TEX9: variants seen among roughly 807,000 people sequenced by gnomAD.
TEX9 encodes testis expressed 9, also known as testis-expressed protein 9.
TEX9 carries 74 observed loss-of-function variants against 59.6 expected under a neutral mutation model. The ratio of observed to expected loss-of-function variants is 1.24; its 90% CI spans 1.03 to 1.51. TEX9 has a LOEUF of 1.51. Among genes scored for constraint, TEX9 ranks in the 40% most tolerant of loss-of-function variants. The pLI, the probability that TEX9 is intolerant of heterozygous loss-of-function variation, is 0.00. For synonymous variants in TEX9, 186 were observed against 152.2 expected, an observed-to-expected ratio of 1.22 and a Z score of -1.64; for missense variants, 522 against 447.8, an observed-to-expected ratio of 1.17 and a Z score of -1.49.
chr15:56,436,296 A>G (rs1344634028), intron 12 of TEX9, among the ~76,000 whole-genome samples: 6 of 152,226 alleles, frequency 3.9e-5, no homozygotes, highest in African/African-American at 1.4e-4. Flanking sequence ...CTCAGGATTA[A>G]GAAACTCACT....
chr15:56,391,861 A>C (rs191519682), intron 7 of TEX9, among the ~76,000 whole-genome samples: 1 of 152,272 alleles, frequency 6.6e-6, no homozygotes, highest in Non-Finnish European at 1.5e-5. Flanking sequence ...CAAAAGGACA[A>C]ATGAATTGAC....
chr15:56,415,221 C>T (rs1348058237), intron 10 of TEX9, among the ~76,000 whole-genome samples: 1 of 151,818 alleles, frequency 6.6e-6, no homozygotes, highest in Non-Finnish European at 1.5e-5. Flanking sequence ...TTTTTCTGTG[C>T]AGAAGCTCTT....
At position 56,258,996 on chromosome 15, in the gene TEX9, A is replaced by G. The variant is rs902276771; in HGVS notation, c.-107+14718A>G. 4.6e-5 allele frequency among the ~76,000 whole-genome samples: 7 copies of G among 151,736 alleles called. No individual in the cohort carries two copies. In the East Asian group the frequency reaches 7.7e-4, roughly 17 times the overall value. ...TATAGCAAATATCTTCTACTAAACT[A>G]TGTCTTGCTGTTTCATCCTCTTAAT... On this transcript the variant is annotated intron_variant, in intron 1 of 5. Coordinates refer to the TEX9 transcript ENST00000560827.
chr15:56,363,670 T>A (rs1352587959), upstream of TEX9, among the ~76,000 whole-genome samples: 1 of 151,768 alleles, frequency 6.6e-6, no homozygotes, highest in Admixed American at 6.6e-5. Flanking sequence ...TAAATTGTTT[T>A]TCTTTTTTTT....
At chr15:56,431,078 C>T (rs945979530) in intron 12 of TEX9, among the ~76,000 whole-genome samples, 5 of 152,082 alleles carry the variant, frequency 3.3e-5, no homozygotes, top group South Asian at 2.1e-4. Context: ...GGAGAATCAC[C>T]GGGAGGCAGA....
the TEX9 span, chr15:56,456,594 A>G: frequency 1.4e-5 from 21 of 1,518,594 alleles, no homozygotes; most frequent in Non-Finnish European, 1.9e-5. Flanking sequence ...AATTTGTTTT[A>G]TAACAGAAAA....
chr15:56,311,250 G>A (rs1266143882), intron 1 of TEX9, among the ~76,000 whole-genome samples: 13 of 133,612 alleles, frequency 9.7e-5, no homozygotes, highest in East Asian at 2.2e-4. Flanking sequence ...CCACTAACTC[G>A]TCATCTAGCA....
chr15:56,292,887 A>G (rs1357270732), intron 1 of TEX9, among the ~76,000 whole-genome samples: 1 of 152,128 alleles, frequency 6.6e-6, no homozygotes, highest in Non-Finnish European at 1.5e-5. Context: ...GCTAGATCTC[A>G]ACTTTTCACA....
intron 1 of TEX9, among the ~76,000 whole-genome samples, chr15:56,302,312 A>G (rs2141572863): frequency 7.2e-6 from 1 of 138,234 alleles, no homozygotes; most frequent in Non-Finnish European, 1.5e-5. Flanking sequence ...ACAGAGCAAG[A>G]CACTGTTTAC....
intron 1 of TEX9, among the ~76,000 whole-genome samples, chr15:56,282,880 G>T (rs1429687270): frequency 6.6e-6 from 1 of 152,052 alleles, no homozygotes; most frequent in Admixed American, 6.6e-5. Context: ...GGATATTTTG[G>T]AACTGCACTA....
intron 1 of TEX9, among the ~76,000 whole-genome samples, chr15:56,321,460 A>T (rs1197555010): frequency 6.6e-6 from 1 of 152,238 alleles, no homozygotes; most frequent in Non-Finnish European, 1.5e-5. Context: ...AACAACAGTT[A>T]TTCAGTGCTT....
chr15:56,304,049 G>A (rs1021907071), intron 1 of TEX9, among the ~76,000 whole-genome samples: 18 of 152,158 alleles, frequency 1.2e-4, no homozygotes, highest in Non-Finnish European at 2.1e-4. Context: ...TGGCTTTAGT[G>A]TTGAATTCTA....
intron 1 of TEX9, among the ~76,000 whole-genome samples, chr15:56,299,019 T>G (rs921206182): frequency 1.2e-4 from 19 of 152,198 alleles, no homozygotes; most frequent in African/African-American, 4.6e-4. Context: ...GAATGCCATA[T>G]TGAGCAACCA....
intron 1 of TEX9, among the ~76,000 whole-genome samples, chr15:56,315,135 AT>A (rs1399222369): frequency 6.8e-6 from 1 of 147,974 alleles, no homozygotes; most frequent in Non-Finnish European, 1.5e-5. Flanking sequence ...TAATTGGAGA[AT>A]TTAGTCCATT....
chr15:56,334,755 T>C (rs1168757016), intron 1 of TEX9, among the ~76,000 whole-genome samples: 1 of 152,134 alleles, frequency 6.6e-6, no homozygotes, highest in Non-Finnish European at 1.5e-5. Context: ...ACTATCCATC[T>C]GACAAGCGAT....
chr15:56,291,056 A>G (rs1331931812), intron 1 of TEX9, among the ~76,000 whole-genome samples: 2 of 152,222 alleles, frequency 1.3e-5, no homozygotes, highest in Non-Finnish European at 2.9e-5. Context: ...ACATGTGGTG[A>G]ATGTAAACCA....
chr15:56,333,121 A>C lies in TEX9; in HGVS notation c.-106-40320A>C, dbSNP rs77171948. Among the ~76,000 whole-genome samples, 1,289 of 152,296 alleles carry C rather than the reference A, an allele frequency of 8.5e-3. 20 individuals are homozygous for C. The highest frequency in any genetic ancestry group is 0.029 in the African/African-American group (1,212 of 41,556). The stretch of plus-strand genomic sequence containing the variant: ...GAAGAAGTAATAACAATCATACTCC[A>C]ACTATTCTGAAAAATAGAGGAGAGA... On this transcript the variant is annotated intron_variant, in intron 1 of 5. Transcript: ENST00000560827.
chr15:56,303,873 A>G (rs1259651993), intron 1 of TEX9, among the ~76,000 whole-genome samples: 4 of 152,258 alleles, frequency 2.6e-5, no homozygotes, highest in Non-Finnish European at 5.9e-5. Context: ...GAGCAAGTAT[A>G]TGCCAATAAA....
chr15:56,345,075 A>ATG lies in TEX9; in HGVS notation c.-106-28364_-106-28363dup, dbSNP rs200736297. Among the ~76,000 whole-genome samples the ATG allele has an allele frequency of 5.6e-3, 639 of 114,716 alleles. 14 individuals carry two copies. In the East Asian group the frequency reaches 0.064, roughly 11 times the overall value. 75.3% of individuals were successfully genotyped at this position (114,716 alleles called of 152,430 possible). A position where few individuals can be genotyped will look rare whatever the true frequency, so the allele number is the denominator to read the frequency against. ...TATATATACACACACACATATATAT[A>ATG]TGTATATATATATATGTATATATAA... On this transcript the variant is annotated intron_variant, in intron 1 of 5. Transcript: ENST00000560827.
Sources: gnomAD v4.1 joint callset for allele counts (sites outside exome capture counted in the v4.1 genomes callset) on GRCh38, gnomAD v4.1.1 for gene constraint, MANE v1.5 for transcripts, NCBI Gene and HGNC (gene_info 2026-07-23, HGNC 2026-07-21) for gene names.